ARHGAP12: variants seen among roughly 807,000 people sequenced by gnomAD.
ARHGAP12 encodes the protein rho GTPase-activating protein 12.
A neutral mutation model predicts 108.6 loss-of-function variants in ARHGAP12; 64 were observed. The observed-to-expected ratio is 0.59, with a 90% CI of 0.48 to 0.73. The LOEUF is 0.73. Among genes scored for constraint, ARHGAP12 ranks in the 30% least tolerant of loss-of-function variants. The pLI is 0.00. For synonymous variants in ARHGAP12, 312 were observed against 337.2 expected, an observed-to-expected ratio of 0.93 and a Z score of 0.82; for missense variants, 940 against 1,005.9, an observed-to-expected ratio of 0.93 and a Z score of 0.89.
At chr10:31,811,370 C>T (rs1835010110) in intron 15 of ARHGAP12, among the ~76,000 whole-genome samples, 1 of 152,212 alleles carries the variant, frequency 6.6e-6, no homozygotes, top group Admixed American at 6.5e-5. Flanking sequence ...AAATACTCTT[C>T]TATTGATCTT....
chr10:31,912,309 T>C (rs1030738255), intron 1 of ARHGAP12, among the ~76,000 whole-genome samples: 4 of 152,186 alleles, frequency 2.6e-5, no homozygotes, highest in Admixed American at 2.0e-4. Flanking sequence ...AGACATACTA[T>C]AGTTAGTTAG....
chr10:31,891,587 CT>C (rs1257925238), intron 3 of ARHGAP12, among the ~76,000 whole-genome samples: 1 of 146,598 alleles, frequency 6.8e-6, no homozygotes, highest in African/African-American at 2.5e-5. Context: ...AGGAGTATCT[CT>C]GTGGCGTTCT....
intron 7 of ARHGAP12, among the ~76,000 whole-genome samples, chr10:31,842,271 T>C (rs1345892049): frequency 2.6e-5 from 4 of 152,096 alleles, no homozygotes; most frequent in Admixed American, 2.0e-4. Flanking sequence ...GATTCCTATT[T>C]ATCCTGAATT....
chr10:31,856,328 GT>G (rs960668209), intron 4 of ARHGAP12, among the ~76,000 whole-genome samples: 1 of 152,100 alleles, frequency 6.6e-6, no homozygotes, highest in African/African-American at 2.4e-5. Context: ...TAAAATGTTA[GT>G]TTTCAAGACC....
chr10:31,876,990 C>T (rs1255600657), intron 3 of ARHGAP12, among the ~76,000 whole-genome samples: 1 of 152,178 alleles, frequency 6.6e-6, no homozygotes, highest in Non-Finnish European at 1.5e-5. Context: ...ACTCAATATC[C>T]TGTTCCAAGA....
intron 3 of ARHGAP12, among the ~76,000 whole-genome samples, chr10:31,879,090 C>T (rs1837842709): frequency 6.6e-6 from 1 of 152,102 alleles, no homozygotes; most frequent in Non-Finnish European, 1.5e-5. Flanking sequence ...TGTTAATTTA[C>T]ATGTAAGGTT....
chr10:31,867,090 G>A (rs1005359040), intron 3 of ARHGAP12, among the ~76,000 whole-genome samples: 10 of 151,328 alleles, frequency 6.6e-5, no homozygotes, highest in Non-Finnish European at 2.9e-5. Flanking sequence ...GTTTCTAGTA[G>A]AAATAAGAAC....
chr10:31,920,498 G>A (rs974649092), intron 1 of ARHGAP12, among the ~76,000 whole-genome samples: 8 of 140,802 alleles, frequency 5.7e-5, no homozygotes, highest in African/African-American at 2.1e-4. Flanking sequence ...CACTTACGCA[G>A]CATACAAATG....
intron 3 of ARHGAP12, among the ~76,000 whole-genome samples, chr10:31,898,601 G>A (rs1008653741): frequency 2.0e-5 from 3 of 152,144 alleles, no homozygotes; most frequent in African/African-American, 7.2e-5. Flanking sequence ...CAGTAATGGT[G>A]GACCACATAC....
In ARHGAP12 at chr10:31,863,653, G is replaced by A. The variant is rs546051093; in HGVS notation, c.685-1995C>T. ...GTAACATATCTCACTTATAAATATG[G>A]AAGAAAATATCCTAAATAAAACATT... is the stretch of plus-strand genomic sequence containing the variant. On this transcript the variant is annotated intron_variant, in intron 3 of 19. Transcript: ENST00000344936. 3.7e-4 allele frequency among the ~76,000 whole-genome samples: 56 copies of A among 152,016 alleles called. 1 individual carries two copies. In the South Asian group the frequency reaches 0.011, roughly 30 times the overall value.
At chr10:31,849,150 A>G (rs1446009231) in intron 6 of ARHGAP12, among the ~76,000 whole-genome samples, 2 of 151,924 alleles carry the variant, frequency 1.3e-5, no homozygotes, top group East Asian at 3.9e-4. Context: ...ATTTCTTCAC[A>G]TATTTTATTT....
Position 31,850,483 on chromosome 10 carries a change from T to TA in ARHGAP12, c.1170+2033dup, listed in dbSNP as rs1445540976. 3.3e-5 allele frequency among the ~76,000 whole-genome samples: 5 copies of TA among 152,306 alleles called. No homozygotes were observed. The East Asian group carries it at 9.6e-4, about 29-fold the overall frequency. On this transcript the variant is annotated intron_variant, in intron 6 of 19. Transcript: ENST00000344936. ...TACATATTTTGGCCATCATGATCCA[T>TA]AAAATCATTCTTTCTAAATTAATCA... is the stretch of plus-strand genomic sequence containing the variant.
Position 31,849,097 on chromosome 10 carries a change from T to C in ARHGAP12, c.1170+3420A>G, listed in dbSNP as rs1196362557. Among the ~76,000 whole-genome samples the C allele has an allele frequency of 8.5e-5, 13 of 152,136 alleles. No individual in the cohort carries two copies. The East Asian group carries it at 2.5e-3, about 29-fold the overall frequency. ...GAACATTACTTTCATCTGGAGTGAA[T>C]ACCATGTTTTGATTCTTCTTATGTC... On this transcript the variant is annotated intron_variant, in intron 6 of 19. Coordinates refer to ENST00000344936, the MANE Select transcript of ARHGAP12 (RefSeq NM_018287.7).
chr10:31,817,765 T>C, intron 13 of ARHGAP12, 23 bp downstream of exon 13: 1 of 1,506,492 alleles, frequency 6.6e-7, no homozygotes, highest in African/African-American at 1.4e-5. Flanking sequence ...GAAGTAAAAA[T>C]TTTACCTAAG....
intron 14 of ARHGAP12, among the ~76,000 whole-genome samples, chr10:31,813,823 G>C (rs1835103438): frequency 6.6e-6 from 1 of 152,188 alleles, no homozygotes; most frequent in Non-Finnish European, 1.5e-5. Flanking sequence ...CTGTTTACAT[G>C]CACAGACACA....
At chr10:31,867,901 T>A (rs554896061) in intron 3 of ARHGAP12, among the ~76,000 whole-genome samples, 52 of 146,360 alleles carry the variant, frequency 3.6e-4, no homozygotes, top group Admixed American at 1.2e-3. Context: ...ATTTCTGATT[T>A]AAAAAAAAAA....
chr10:31,918,357 A>ACACG (rs1554791889), intron 1 of ARHGAP12, among the ~76,000 whole-genome samples: 3 of 141,040 alleles, frequency 2.1e-5, no homozygotes, highest in African/African-American at 7.9e-5. Context: ...ACACACACAC[A>ACACG]CACCAATGAG....
At chr10:31,841,238 GA>G (rs999122699) in intron 7 of ARHGAP12, among the ~76,000 whole-genome samples, 5 of 151,576 alleles carry the variant, frequency 3.3e-5, no homozygotes, top group African/African-American at 9.7e-5. Flanking sequence ...AGTAAAAACA[GA>G]AAAAAAAGGC....
chr10:31,836,419 C>G lies in ARHGAP12; in HGVS notation c.1386+2886G>C, dbSNP rs545703455. Among the ~76,000 whole-genome samples, 49 of 152,072 alleles carry G rather than the reference C, an allele frequency of 3.2e-4. 1 individual carries two copies. In the South Asian group the frequency reaches 8.7e-3, roughly 27 times the overall value. ...TATTGACTTTTAAAAAATGTATATA[C>G]TGCCTATTTCAAGCAGATTTAAAGG... On this transcript the variant is annotated intron_variant, in intron 9 of 19. Coordinates refer to ENST00000344936, the MANE Select transcript of ARHGAP12 (RefSeq NM_018287.7).
Sources: allele counts gnomAD v4.1 joint callset (sites outside exome capture counted in the v4.1 genomes callset), GRCh38; gene constraint gnomAD v4.1.1; transcripts MANE v1.5; gene names NCBI Gene and HGNC (gene_info 2026-07-23, HGNC 2026-07-21).